Variants in PRPSAP1 observed in about 807,000 individuals in gnomAD.
PRPSAP1 encodes phosphoribosyl pyrophosphate synthase-associated protein 1.
PRPSAP1 carries 31 observed loss-of-function variants against 39.4 expected under a neutral mutation model. The ratio of observed to expected loss-of-function variants is 0.79; its 90% CI spans 0.59 to 1.06. PRPSAP1 has a LOEUF of 1.06. Among genes scored for constraint, PRPSAP1 ranks in the 50% least tolerant of loss-of-function variants. PRPSAP1 has a pLI of 0.00. For missense variants in PRPSAP1, 430 were observed against 511.6 expected (o/e 0.84, Z 1.54); for synonymous variants, 212 against 192.6 (o/e 1.10, Z -0.83).
At chr17:76,354,110 A>C (rs2071617604), upstream of PRPSAP1, 1 of 1,016,590 alleles carries the variant, frequency 9.8e-7, no homozygotes, top group African/African-American at 1.7e-5. Flanking sequence ...TGGGAGGAGC[A>C]GCCTACCTCG....
intron 1 of PRPSAP1, among the ~76,000 whole-genome samples, chr17:76,350,537 T>C (rs540467607): frequency 6.6e-6 from 1 of 152,084 alleles, no homozygotes; most frequent in African/African-American, 2.4e-5. Context: ...ACAAACGCTA[T>C]GATTCTATTT....
At chr17:76,344,341 G>T (rs1452767066) in intron 3 of PRPSAP1, among the ~76,000 whole-genome samples, 2 of 152,124 alleles carry the variant, frequency 1.3e-5, no homozygotes, top group Non-Finnish European at 2.9e-5. Flanking sequence ...ATGTTAGCCA[G>T]GATGGTCTCG....
Position 76,330,056 on chromosome 17 carries a change from C to T in PRPSAP1, c.622G>A (p.Asp208Asn), listed in dbSNP as rs1281181444. The change falls in exon 6 of 10, where the codon GAT becomes AAT. Residue 208 changes from aspartate (D) to asparagine (N), a missense_variant. This residue lies in a region of PRPSAP1 where 278 missense variants were observed against 376.3 expected (regional missense o/e 0.74). Transcript: ENST00000446526. ...RNAVIVAKSP[D>N]AAKRAQSYAE... is the part of the protein sequence containing the mutation. ...TAGCTTACTTACCTCTTTGCAGCAT[C>T]AGGAGACTTAGCTACAATGACTGCA... 1 of 1,613,732 alleles carries T rather than the reference C, an allele frequency of 6.2e-7. No homozygotes were observed. The highest frequency in any genetic ancestry group is 8.5e-7 in the Non-Finnish European group (1 of 1,179,648).
chr17:76,345,606 G>A (rs2071491637), intron 2 of PRPSAP1, among the ~76,000 whole-genome samples: 1 of 133,006 alleles, frequency 7.5e-6, no homozygotes. Flanking sequence ...GACCTTGTCT[G>A]GAGAAAAAAA....
At position 76,313,030 on chromosome 17, in the gene PRPSAP1, A is replaced by C. The variant is rs752933569; in HGVS notation, c.853-14T>G. ...AATAATGTCATCCTGGGAGGAGAAC[A>C]GAGTGAGTTGGTAGGAAAGAAACAC... On this transcript the variant is annotated splice_polypyrimidine_tract_variant and intron_variant, in intron 8 of 9. Transcript: ENST00000446526. The C allele has an allele frequency of 3.1e-6, 5 of 1,612,502 alleles. No homozygotes were observed. In the South Asian group the frequency reaches 4.4e-5, roughly 14 times the overall value.
chr17:76,316,174 T>TAAAAA (rs1377721818), intron 7 of PRPSAP1, among the ~76,000 whole-genome samples: 2 of 73,526 alleles, frequency 2.7e-5, no homozygotes, highest in African/African-American at 4.4e-5. Context: ...AGACTCCGTC[T>TAAAAA]AAAAAAAAAA....
chr17:76,318,961 A>G (rs1178791904), intron 7 of PRPSAP1, among the ~76,000 whole-genome samples: 1 of 152,012 alleles, frequency 6.6e-6, no homozygotes, highest in African/African-American at 2.4e-5. Context: ...TTTTTTTGAG[A>G]TGGAGTCTCA....
In PRPSAP1 at chr17:76,332,253, G is replaced by C. The variant is rs751103457; in HGVS notation, c.463+10C>G. On this transcript the variant is annotated intron_variant, in intron 4 of 9. Transcript: ENST00000446526. ...CATGCTGGAACCCCAGGGCCCCCGC[G>C]CACACTCACCTGCTTTCGCCAGCAT... 2 of 1,613,010 alleles carry C rather than the reference G, an allele frequency of 1.2e-6. No homozygotes were observed. Among genetic ancestry groups the C allele is most frequent in the East Asian group, 2.2e-5 (1 of 44,862 alleles).
chr17:76,322,334 T>C (rs888747799), intron 7 of PRPSAP1, among the ~76,000 whole-genome samples: 20 of 152,276 alleles, frequency 1.3e-4, no homozygotes, highest in African/African-American at 4.8e-4. Flanking sequence ...AGGTGAAGAT[T>C]GCACTAAGCC....
intron 3 of PRPSAP1, among the ~76,000 whole-genome samples, chr17:76,341,664 G>C (rs1034861030): frequency 2.0e-5 from 3 of 152,208 alleles, no homozygotes; most frequent in African/African-American, 7.2e-5. Flanking sequence ...CAATGGCTGG[G>C]CACCGTGGCT....
At position 76,332,339 on chromosome 17, in the gene PRPSAP1, G is replaced by A. The variant is rs2071330615; in HGVS notation, c.387C>T (p.Pro129=). The change falls in exon 4 of 10, where the codon CCC becomes CCT. Residue 129 remains proline, a synonymous_variant. Transcript: ENST00000446526. ...RNIIGVIPYF[P]YSKQSKMRKR... Reference sequence around the variant, plus strand: ...TCCTCATCTTGCTCTGCTTGCTGTAGGGGAAGTAGGGGATGACCCCAATAA... The same window carrying A: ...TCCTCATCTTGCTCTGCTTGCTGTAAGGGAAGTAGGGGATGACCCCAATAA... 1 of 1,614,086 alleles carries A rather than the reference G, an allele frequency of 6.2e-7. No homozygotes were observed. Among genetic ancestry groups the A allele is most frequent in the African/African-American group, 1.3e-5 (1 of 74,928 alleles).
intron 3 of PRPSAP1, among the ~76,000 whole-genome samples, chr17:76,340,746 C>T (rs181406170): frequency 2.4e-3 from 361 of 151,996 alleles, no homozygotes; most frequent in African/African-American, 8.2e-3. Context: ...CAAAATTAGC[C>T]GGGCGTAGTG....
intron 2 of PRPSAP1, among the ~76,000 whole-genome samples, 179 bp from the exon 3 acceptor site, chr17:76,344,916 C>G (rs1404942283): frequency 1.3e-5 from 2 of 151,862 alleles, no homozygotes; most frequent in Non-Finnish European, 2.9e-5. Context: ...GCCTAGGCAA[C>G]ATGACAAAAT....
At chr17:76,329,318 C>A (rs1480821519) in intron 6 of PRPSAP1, among the ~76,000 whole-genome samples, 1 of 152,092 alleles carries the variant, frequency 6.6e-6, no homozygotes, top group Non-Finnish European at 1.5e-5. Flanking sequence ...CCCGCTTTGG[C>A]CTCCCAAAGT....
intron 7 of PRPSAP1, among the ~76,000 whole-genome samples, chr17:76,320,337 G>C (rs143625835): frequency 1.1e-5 from 1 of 93,198 alleles, no homozygotes; most frequent in Non-Finnish European, 1.9e-5. Flanking sequence ...GGGAGGGAGG[G>C]AGGGAGGAAG....
At position 76,330,062 on chromosome 17, in the gene PRPSAP1, A is replaced by C; in HGVS notation, c.616T>G (p.Ser206Ala). ...NYRNAVIVAK[S>A]PDAAKRAQSY... Reference sequence around the variant, plus strand: ...ACTTACCTCTTTGCAGCATCAGGAGACTTAGCTACAATGACTGCATTTCTG... The same window carrying C: ...ACTTACCTCTTTGCAGCATCAGGAGCCTTAGCTACAATGACTGCATTTCTG... Residue 206 changes from serine to alanine, a missense_variant, in exon 6 of 10, where the codon TCT becomes GCT. Around this residue, in one of 2 missense-constraint regions of PRPSAP1, gnomAD observed 278 missense variants for 376.3 expected, o/e 0.74. Coordinates refer to ENST00000446526, the MANE Select transcript of PRPSAP1 (RefSeq NM_002766.3). 1 of 1,613,796 alleles carries C rather than the reference A, an allele frequency of 6.2e-7. No homozygotes were observed. The highest frequency in any genetic ancestry group is 8.5e-7 in the Non-Finnish European group (1 of 1,179,676).
At chr17:76,343,480 G>C (rs759414085) in intron 3 of PRPSAP1, among the ~76,000 whole-genome samples, 3 of 152,270 alleles carry the variant, frequency 2.0e-5, no homozygotes, top group Non-Finnish European at 4.4e-5. Flanking sequence ...TTTCAGCAGA[G>C]CTGAGCTGAC....
chr17:76,353,078 AC>A (rs1406912039), intron 1 of PRPSAP1: 1 of 157,294 alleles, frequency 6.4e-6, no homozygotes, highest in Non-Finnish European at 1.4e-5. Context: ...CTGCGACCGC[AC>A]CTGCCGCGTC....
Position 76,310,866 on chromosome 17 carries a change from TC to T in PRPSAP1, c.*675del. The stretch of plus-strand genomic sequence containing the variant: ...GGTGGAACCTGGGAAAGTGTTTGTG[TC>T]CAGCCACAGACCTGACTGCTGTTCT... On this transcript the variant is annotated 3_prime_UTR_variant, in exon 10 of 10. Transcript: ENST00000446526. The T allele has an allele frequency of 6.6e-6, 1 of 152,172 alleles. No homozygotes were observed. Among genetic ancestry groups the T allele is most frequent in the South Asian group, 2.1e-4 (1 of 4,818 alleles). 9.4% of individuals were successfully genotyped at this position (152,172 alleles called of 1,614,324 possible).
Sources: gnomAD v4.1 joint callset for allele counts (sites outside exome capture counted in the v4.1 genomes callset) on GRCh38, gnomAD v4.1.1 for gene constraint, gnomAD v4.1.1 regional missense constraint, MANE v1.5 for transcripts, NCBI Gene and HGNC (gene_info 2026-07-23, HGNC 2026-07-21) for gene names.